Variants in PDE4DIP observed in about 807,000 individuals in gnomAD.
PDE4DIP encodes myomegalin.
In PDE4DIP, 59 loss-of-function variants were observed where a neutral mutation model predicts 221.4. That is an observed-to-expected ratio of 0.27 (90% CI 0.22 to 0.33). PDE4DIP has a LOEUF of 0.33. Among genes scored for constraint, PDE4DIP ranks in the 10% least tolerant of loss-of-function variants. PDE4DIP has a pLI of 1.00. For missense variants in PDE4DIP, 1,036 were observed against 2,154.2 expected (o/e 0.48, Z 10.28); for synonymous variants, 404 against 815.9 (o/e 0.50, Z 8.60).
chr1:148,968,626 A>G (rs1420152600), intron 13 of PDE4DIP, among the ~76,000 whole-genome samples: 17 of 152,094 alleles, frequency 1.1e-4, no homozygotes, highest in Middle Eastern at 3.4e-3. Flanking sequence ...AGTTTTCTGT[A>G]TGGTTTGTAT....
exon 34 of PDE4DIP, chr1:149,017,843 C>G (rs782585583): frequency 1.2e-6 from 2 of 1,613,532 alleles, no homozygotes; most frequent in South Asian, 1.1e-5. Flanking sequence ...ACGGGAGCAA[C>G]TGGAACACCG....
chr1:149,030,668 C>T (rs373434464), intron 43 of PDE4DIP: 24 of 861,162 alleles, frequency 2.8e-5, no homozygotes, highest in Non-Finnish European at 3.3e-5. Context: ...GTGTTCTACT[C>T]TTCATGAAAA....
At chr1:148,981,640 A>G (rs1325504890) in intron 21 of PDE4DIP, 2 of 468,998 alleles carry the variant, frequency 4.3e-6, no homozygotes, top group Non-Finnish European at 7.8e-6. Flanking sequence ...CCTAAATTGA[A>G]TGGTGGAGGT....
chr1:148,820,722 G>T (rs1469713274), intron 1 of PDE4DIP, among the ~76,000 whole-genome samples: 11 of 148,700 alleles, frequency 7.4e-5, no homozygotes, highest in South Asian at 6.5e-4. Context: ...TTTGGGGGGG[G>T]GGTGGCTAGA....
intron 5 of PDE4DIP, among the ~76,000 whole-genome samples, chr1:148,951,538 A>G (rs1435109123): frequency 3.9e-5 from 6 of 152,278 alleles, no homozygotes; most frequent in Non-Finnish European, 7.3e-5. Context: ...GCTCTTACGG[A>G]AAGAAGCACT....
chr1:148,979,548 C>T (rs782589585), intron 19 of PDE4DIP, among the ~76,000 whole-genome samples, 189 bp from the exon 23 acceptor site: 9 of 152,104 alleles, frequency 5.9e-5, no homozygotes, highest in Non-Finnish European at 1.0e-4. Context: ...TTGAATTCCA[C>T]CTTACAGGTT....
chr1:148,961,299 C>T (rs1402635439), intron 6 of PDE4DIP, among the ~76,000 whole-genome samples: 1 of 152,068 alleles, frequency 6.6e-6, no homozygotes, highest in Non-Finnish European at 1.5e-5. Context: ...CAGAGAGAGA[C>T]TCTGTCTCAA....
chr1:149,021,000 C>T (rs1553618090), intron 36 of PDE4DIP, 29 bp from the exon 40 acceptor site: 41 of 1,206,300 alleles, frequency 3.4e-5, no homozygotes, highest in Non-Finnish European at 4.1e-5. Context: ...GCTCTGCCAT[C>T]TCAGTGGGCC....
chr1:148,943,970 C>T (rs2051037484), intron 5 of PDE4DIP, among the ~76,000 whole-genome samples: 2 of 152,102 alleles, frequency 1.3e-5, no homozygotes, highest in South Asian at 4.1e-4. Context: ...ACTAATCTCT[C>T]CCAAAGCCCC....
At chr1:148,953,517 A>T (rs1574173935) in intron 5 of PDE4DIP, 1 of 1,613,962 alleles carries the variant, frequency 6.2e-7, no homozygotes, top group African/African-American at 1.3e-5. Context: ...GAATCTTTGG[A>T]TGCAAGCGTC....
intron 1 of PDE4DIP, among the ~76,000 whole-genome samples, chr1:148,862,245 T>A (rs1469149407): frequency 6.6e-6 from 1 of 151,364 alleles, no homozygotes; most frequent in Non-Finnish European, 1.5e-5. Flanking sequence ...CCCCTTACTG[T>A]AAAAATTCCA....
At chr1:148,901,354 C>T (rs1341229432) in intron 1 of PDE4DIP, among the ~76,000 whole-genome samples, 11 of 106,100 alleles carry the variant, frequency 1.0e-4, no homozygotes, top group African/African-American at 7.5e-5. Flanking sequence ...ACCCACACAC[C>T]GACAGCAGTG....
intron 1 of PDE4DIP, among the ~76,000 whole-genome samples, chr1:148,843,479 C>T (rs1170411801): frequency 1.4e-5 from 1 of 69,392 alleles, no homozygotes; most frequent in Non-Finnish European, 2.7e-5. Flanking sequence ...AATTTATCAT[C>T]TCTGAAACAA....
chr1:149,023,756 ATATATG>A (rs2074052496), intron 37 of PDE4DIP, among the ~76,000 whole-genome samples: 3 of 110,290 alleles, frequency 2.7e-5, no homozygotes, highest in Non-Finnish European at 3.8e-5. Context: ...GTGTGCACAT[ATATATG>A]TACATGTATA....
intron 5 of PDE4DIP, chr1:148,952,167 C>T: frequency 9.7e-7 from 1 of 1,035,726 alleles, no homozygotes; most frequent in Non-Finnish European, 1.2e-6. Flanking sequence ...GAGGTCTTAG[C>T]AGATGAAAGC....
intron 22 of PDE4DIP, among the ~76,000 whole-genome samples, chr1:148,995,937 A>C (rs1180695607): frequency 2.6e-5 from 4 of 151,450 alleles, no homozygotes; most frequent in African/African-American, 9.7e-5. Flanking sequence ...AAAAAAAAAA[A>C]CCTTAAAGTT....
At chr1:149,010,412 A>G (rs782380594) in intron 30 of PDE4DIP, 31 bp from the exon 34 acceptor site, 2 of 1,608,196 alleles carry the variant, frequency 1.2e-6, no homozygotes, top group Admixed American at 1.7e-5. Flanking sequence ...GTAGAACATC[A>G]TACGTTTTCT....
At chr1:149,022,658 G>C (rs2073393291) in intron 37 of PDE4DIP, among the ~76,000 whole-genome samples, 1 of 151,588 alleles carries the variant, frequency 6.6e-6, no homozygotes, top group African/African-American at 2.4e-5. Flanking sequence ...GTTGGAGTGA[G>C]AAGTCAGGAT....
At chr1:148,996,541 G>C (rs1553564698) in intron 22 of PDE4DIP, among the ~76,000 whole-genome samples, 1 of 152,092 alleles carries the variant, frequency 6.6e-6, no homozygotes, top group African/African-American at 2.4e-5. Flanking sequence ...TTGGGTGCCT[G>C]GGACTTGAGT....
Sources: allele counts gnomAD v4.1 joint callset (sites outside exome capture counted in the v4.1 genomes callset), GRCh38; gene constraint gnomAD v4.1.1; transcripts MANE v1.5; gene names NCBI Gene and HGNC (gene_info 2026-07-23, HGNC 2026-07-21).